The following DOCK6 variants were observed in gnomAD, a reference collection of about 807,000 sequenced individuals.
The protein encoded by DOCK6 is dedicator of cytokinesis protein 6.
In DOCK6, 167 loss-of-function variants were observed where a neutral mutation model predicts 230.3. That is an observed-to-expected ratio of 0.73 (90% CI 0.64 to 0.82). The LOEUF (loss-of-function observed/expected upper bound fraction) is 0.82, where lower values mean the gene tolerates loss of function less well. Among genes scored for constraint, DOCK6 ranks in the 40% least tolerant of loss-of-function variants. DOCK6 has a pLI of 0.00. For missense variants in DOCK6, 2,598 were observed against 2,825.8 expected, an observed-to-expected ratio of 0.92 and a Z score of 1.83; for synonymous variants, 1,148 against 1,185.0, an observed-to-expected ratio of 0.97 and a Z score of 0.64.
At chr19:11,227,072 C>T (rs2079677144) in intron 24 of DOCK6, among the ~76,000 whole-genome samples, 1 of 152,204 alleles carries the variant, frequency 6.6e-6, no homozygotes, top group African/African-American at 2.4e-5. Context: ...GGAATGATCC[C>T]TTACTTTCTT....
intron 20 of DOCK6, 117 bp from the exon 21 acceptor site, chr19:11,235,876 AATTTT>A: frequency 7.8e-7 from 1 of 1,284,090 alleles, no homozygotes; most frequent in African/African-American, 1.6e-5. Context: ...AGGGGTCACA[AATTTT>A]TTTTTTTTTT....
chr19:11,246,747 C>G (rs990977968), intron 7 of DOCK6, among the ~76,000 whole-genome samples: 1 of 152,160 alleles, frequency 6.6e-6, no homozygotes, highest in Non-Finnish European at 1.5e-5. Context: ...TGTCATCTGC[C>G]GCCATTGTCA....
chr19:11,236,185 G>T lies in DOCK6; in HGVS notation c.2392+161C>A. 1 of 745,864 alleles carries T rather than the reference G, an allele frequency of 1.3e-6. No homozygotes were observed. Among genetic ancestry groups the T allele is most frequent in the East Asian group, 2.7e-5 (1 of 36,706 alleles). The allele number at this position is 745,864 out of a possible 1,614,324, so 46.2% of individuals were successfully genotyped here. A position where few individuals can be genotyped will look rare whatever the true frequency, so the allele number is the denominator to read the frequency against. The stretch of plus-strand genomic sequence containing the variant: ...GTGAACCGCTGCACCCGGGCCAAAG[G>T]GTCACAGAAGACCTTCTCTGGGTGC... On this transcript the variant is annotated intron_variant, in intron 20 of 47. Transcript: ENST00000294618. This position sits in a 1 kb window ranked among gnomAD's most constrained non-coding sequence, Gnocchi z 5.2.
chr19:11,217,405 A>T lies in DOCK6; in HGVS notation c.3551-14T>A. 6.2e-7 allele frequency: 1 copy of T among 1,609,936 alleles called. No homozygotes were observed. The highest frequency in any genetic ancestry group is 2.2e-5 in the East Asian group (1 of 44,766). On this transcript the variant is annotated splice_polypyrimidine_tract_variant and intron_variant, in intron 28 of 47. Coordinates refer to ENST00000294618, the MANE Select transcript of DOCK6 (RefSeq NM_020812.4). ...GACCTGGGCCCTCTGGCAGGGAAAG[A>T]CAGAGGGAAAGAAAGATAAACCCTT... is the stretch of plus-strand genomic sequence containing the variant.
rs2079853164 is a variant in DOCK6, at chr19:11,236,636, C to G, written c.2161-59G>C. 2.6e-6 allele frequency: 4 copies of G among 1,516,826 alleles called. No individual in the cohort carries two copies. Among genetic ancestry groups the G allele is most frequent in the Admixed American group, 4.0e-5 (2 of 50,498 alleles). The allele number at this position is 1,516,826 out of a possible 1,614,324, so 94.0% of individuals were successfully genotyped here. ...CTCAGGGAATGAAGACCACCCCTGC[C>G]TGAATCAGCAGCTTCCCTTAAAGCT... is the stretch of plus-strand genomic sequence containing the variant. On this transcript the variant is annotated intron_variant, in intron 19 of 47. Coordinates refer to ENST00000294618, the MANE Select transcript of DOCK6 (RefSeq NM_020812.4). This position sits in a 1 kb window ranked among gnomAD's most constrained non-coding sequence, Gnocchi z 5.2.
In DOCK6 at chr19:11,215,398, G is replaced by A; in HGVS notation, c.4095C>T (p.Asp1365=). ...KSVTHWKQTS[D]RVDKTKDEME... ...CTGCCCACACCTACTTGTCCACGCGGTCTGAGGTTTGCTTCCAGTGTGTGA... is the reference window on the plus strand; with the variant it reads ...CTGCCCACACCTACTTGTCCACGCGATCTGAGGTTTGCTTCCAGTGTGTGA... The change falls in exon 32 of 48, where the codon GAC becomes GAT. Residue 1365 remains aspartate, a synonymous_variant. Transcript: ENST00000294618. The A allele has an allele frequency of 5.0e-6, 8 of 1,613,518 alleles. No individual in the cohort carries two copies. Among genetic ancestry groups the A allele is most frequent in the Non-Finnish European group, 5.9e-6 (7 of 1,179,764 alleles).
chr19:11,243,855 T>C lies in DOCK6; in HGVS notation c.1051A>G (p.Ile351Val), dbSNP rs2079990615. Reference protein sequence around the residue: ...KLEKVLQQGDISECCEPYMVL... With the variant: ...KLEKVLQQGDVSECCEPYMVL... The stretch of plus-strand genomic sequence containing the variant: ...ATGTAAGGCTCACAGCACTCACTGA[T>C]GTCCCCTTGCTGAAGCACCTTCTCC... The change falls in exon 10 of 48, where the codon ATC (isoleucine) becomes GTC (valine). Residue 351 changes from isoleucine (I) to valine (V), a missense_variant. By Grantham distance (29) the Ile-to-Val change is conservative. Transcript: ENST00000294618. The surrounding 1 kb of genome is among the most constrained non-coding windows in gnomAD (Gnocchi z 6.3). The C allele has an allele frequency of 6.2e-7, 1 of 1,612,624 alleles. No individual in the cohort carries two copies. The highest frequency in any genetic ancestry group is 1.1e-5 in the South Asian group (1 of 90,628).
chr19:11,252,648 G>A, intron 3 of DOCK6, 98 bp from the exon 4 acceptor site: 1 of 1,593,392 alleles, frequency 6.3e-7, no homozygotes, highest in Non-Finnish European at 8.6e-7. Context: ...TCCAGACAAG[G>A]GGAGATGGAG....
At chr19:11,203,881 C>G (rs1317125000) in intron 41 of DOCK6, 200 bp downstream of exon 41, 2 of 668,302 alleles carry the variant, frequency 3.0e-6, no homozygotes, top group African/African-American at 3.7e-5. Context: ...TCACAAGCTG[C>G]CCTCGAGATC....
intron 36 of DOCK6, 50 bp downstream of exon 36, chr19:11,211,943 G>A (rs2147744022): frequency 6.7e-7 from 1 of 1,491,978 alleles, no homozygotes; most frequent in East Asian, 2.6e-5. Flanking sequence ...AGGTGGTGGG[G>A]TTGGGAGTTA....
chr19:11,217,145 A>G (rs368246883), intron 29 of DOCK6, 49 bp from the exon 30 acceptor site: 3 of 1,597,250 alleles, frequency 1.9e-6, no homozygotes, highest in African/African-American at 1.3e-5. Context: ...TCCATGTGAG[A>G]TGAATCCTGG....
intron 30 of DOCK6, among the ~76,000 whole-genome samples, chr19:11,216,368 G>A (rs375273259): frequency 2.0e-5 from 3 of 151,954 alleles, no homozygotes; most frequent in South Asian, 2.1e-4. Context: ...GATTACAGGC[G>A]TGAGCCACCG....
intron 22 of DOCK6, chr19:11,229,273 C>T (rs1007028788): frequency 1.5e-6 from 2 of 1,301,558 alleles, no homozygotes; most frequent in Non-Finnish European, 2.0e-6. Flanking sequence ...ACAAAAATAG[C>T]GTCATCCGCA....
chr19:11,231,387 A>G (rs182321743), intron 22 of DOCK6, among the ~76,000 whole-genome samples: 1 of 151,796 alleles, frequency 6.6e-6, no homozygotes, highest in East Asian at 1.9e-4. Flanking sequence ...CCCAGAGGGA[A>G]GCTGGTATTC....
At chr19:11,223,512 T>A (rs929075519) in intron 24 of DOCK6, among the ~76,000 whole-genome samples, 8 of 152,190 alleles carry the variant, frequency 5.3e-5, no homozygotes, top group African/African-American at 1.9e-4. Context: ...GCCCACACAG[T>A]GATGCCTCTA....
Position 11,204,087 on chromosome 19 carries a change from G to C in DOCK6, c.5229C>G (p.Gly1743=), listed in dbSNP as rs56243833. 2 of 1,549,860 alleles carry C rather than the reference G, an allele frequency of 1.3e-6. No homozygotes were observed. The highest frequency in any genetic ancestry group is 2.7e-5 in the African/African-American group (2 of 72,924). The change falls in exon 41 of 48, where the codon GGC becomes GGG. Residue 1743 remains glycine, a synonymous_variant. Coordinates refer to ENST00000294618, the MANE Select transcript of DOCK6 (RefSeq NM_020812.4). ...AFTKIMHQSS[G]WERVFGTYFR... ...TCCACCAAGGCTGACTCACCTCCCAGCCGGAACTCTGTGGGGAAGAGAAGG... is the reference window on the plus strand; with the variant it reads ...TCCACCAAGGCTGACTCACCTCCCACCCGGAACTCTGTGGGGAAGAGAAGG...
At chr19:11,240,188 G>A (rs1231577665) in intron 14 of DOCK6, 1 of 1,555,034 alleles carries the variant, frequency 6.4e-7, no homozygotes, top group Admixed American at 2.0e-5. Flanking sequence ...AGGTGCTGGG[G>A]GAGGTGGCCC....
rs1303126986 is a variant in DOCK6 at position 11,222,838 on chromosome 19, C to T, written c.3137G>A (p.Arg1046His). 7.5e-6 allele frequency: 12 copies of T among 1,600,222 alleles called. No homozygotes were observed. Among genetic ancestry groups the T allele is most frequent in the Middle Eastern group, 3.3e-4 (2 of 6,064 alleles). ...ALLTLRMEFTRILCSHEHYVT... is the reference protein window; with the variant it reads ...ALLTLRMEFTHILCSHEHYVT... ...GTAGTGCTCGTGGCTGCACAGGATG[C>T]GGGTGAATTCCATGCGCAGGGTCAG... Residue 1046 changes from arginine to histidine, a missense_variant, in exon 26 of 48, where the codon CGC becomes CAC. Coordinates refer to ENST00000294618, the MANE Select transcript of DOCK6 (RefSeq NM_020812.4). This position sits in a 1 kb window ranked among gnomAD's most constrained non-coding sequence, Gnocchi z 4.0.
At chr19:11,211,915 A>G in intron 36 of DOCK6, 39 bp from the exon 37 acceptor site, 1 of 1,477,656 alleles carries the variant, frequency 6.8e-7, no homozygotes, top group Non-Finnish European at 9.1e-7. Context: ...TGAGAGCATT[A>G]GGAAGTGAAG....
Sources: allele counts gnomAD v4.1 joint callset (sites outside exome capture counted in the v4.1 genomes callset), GRCh38; gene constraint gnomAD v4.1.1; non-coding constraint Gnocchi (gnomAD v3.1); transcripts MANE v1.5; gene names NCBI Gene and HGNC (gene_info 2026-07-23, HGNC 2026-07-21).